The following ARHGAP6 variants were observed in gnomAD, a reference collection of about 807,000 sequenced individuals.
The protein encoded by ARHGAP6 is rho GTPase-activating protein 6.
A neutral mutation model predicts 55.7 loss-of-function variants in ARHGAP6; 16 were observed. That is an observed-to-expected ratio of 0.29 (90% confidence interval 0.19 to 0.44). The LOEUF (loss-of-function observed/expected upper bound fraction) is 0.44, where lower values mean the gene tolerates loss of function less well. Ranked by LOEUF, ARHGAP6 falls within the 20% of genes least tolerant of loss-of-function variation. The pLI, the probability that ARHGAP6 is intolerant of heterozygous loss-of-function variation, is 1.00. For missense variants in ARHGAP6, 698 were observed against 808.9 expected (o/e 0.86, Z 1.66); for synonymous variants, 382 against 360.9 (o/e 1.06, Z -0.66).
At chrX:11,520,056 C>G (rs1741240617) in intron 1 of ARHGAP6, among the ~76,000 whole-genome samples, 1 of 89,287 alleles carries the variant, frequency 1.1e-5, no homozygotes, top group Non-Finnish European at 2.2e-5. Flanking sequence ...AGGCAACCTA[C>G]AACATGGGAG....
intron 1 of ARHGAP6, among the ~76,000 whole-genome samples, chrX:11,629,027 G>A (rs1317369078): frequency 2.8e-5 from 3 of 108,752 alleles, no homozygotes; most frequent in African/African-American, 6.7e-5. Flanking sequence ...GTGTATACAC[G>A]AGCTAGAGCT....
chrX:11,628,984 C>CGTGTGTGTGT (rs55999982), intron 1 of ARHGAP6, among the ~76,000 whole-genome samples: 16 of 101,481 alleles, frequency 1.6e-4, no homozygotes, highest in Middle Eastern at 5.0e-3. Flanking sequence ...GCTTCAGATA[C>CGTGTGTGTGT]GTGTGTGTGT....
chrX:11,592,510 T>C (rs1327244572), intron 1 of ARHGAP6, among the ~76,000 whole-genome samples: 1 of 111,636 alleles, frequency 9.0e-6, no homozygotes, highest in African/African-American at 3.3e-5. Context: ...GTTTTTATTA[T>C]ATAGGCAGGA....
At chrX:11,311,069 G>T (rs1327421212) in intron 1 of ARHGAP6, among the ~76,000 whole-genome samples, 2 of 111,615 alleles carry the variant, frequency 1.8e-5, no homozygotes, top group African/African-American at 6.5e-5. Context: ...GCAGGGAAAG[G>T]ATATACTTTT....
At chrX:11,176,557 C>G (rs1390137820) in intron 8 of ARHGAP6, among the ~76,000 whole-genome samples, 1 of 107,061 alleles carries the variant, frequency 9.3e-6, no homozygotes, top group Non-Finnish European at 1.9e-5. Context: ...TTGCTTTCCT[C>G]AATGCCTTCC....
intron 2 of ARHGAP6, among the ~76,000 whole-genome samples, chrX:11,207,931 A>T (rs1356643915): frequency 9.0e-6 from 1 of 111,582 alleles, no homozygotes; most frequent in Non-Finnish European, 1.9e-5. Flanking sequence ...TCCATAGCCC[A>T]TGTTAGGAAT....
chrX:11,212,740 T>C (rs2046821936), intron 2 of ARHGAP6, among the ~76,000 whole-genome samples: 1 of 112,197 alleles, frequency 8.9e-6, no homozygotes, highest in African/African-American at 3.2e-5. Flanking sequence ...GTCTATAGAT[T>C]TCTATGCACA....
At chrX:11,648,892 C>T (rs1000670964) in intron 1 of ARHGAP6, among the ~76,000 whole-genome samples, 2 of 111,993 alleles carry the variant, frequency 1.8e-5, no homozygotes, top group African/African-American at 3.2e-5. Context: ...CTCGGACTGA[C>T]GTTGTGTGCT....
At chrX:11,615,890 G>C (rs1410253846) in intron 1 of ARHGAP6, among the ~76,000 whole-genome samples, 1 of 111,753 alleles carries the variant, frequency 8.9e-6, no homozygotes, top group Admixed American at 9.5e-5. Context: ...ATTTAAAGTG[G>C]CTCCTCTTTC....
intron 1 of ARHGAP6, among the ~76,000 whole-genome samples, chrX:11,451,048 G>T (rs2147807427): frequency 9.0e-6 from 1 of 111,417 alleles, no homozygotes; most frequent in South Asian, 3.9e-4. Flanking sequence ...GTGCAGCATA[G>T]CTTGCCCAGG....
chrX:11,277,714 A>ATTTT (rs1569283190), intron 1 of ARHGAP6, among the ~76,000 whole-genome samples: 9 of 105,957 alleles, frequency 8.5e-5, no homozygotes, highest in African/African-American at 3.1e-4. Context: ...TTTTTTTAAA[A>ATTTT]AAAAATTAGC....
intron 9 of ARHGAP6, among the ~76,000 whole-genome samples, chrX:11,160,858 G>C (rs2045933587): frequency 9.0e-6 from 1 of 111,547 alleles, no homozygotes; most frequent in Non-Finnish European, 1.9e-5. Context: ...ATTTTGGCTT[G>C]GAGACACTAT....
chrX:11,475,560 T>TACACACACACAA (rs2050394482), intron 1 of ARHGAP6, among the ~76,000 whole-genome samples: 1 of 95,894 alleles, frequency 1.0e-5, no homozygotes, highest in Non-Finnish European at 2.1e-5. Flanking sequence ...TTAAAGAAAC[T>TACACACACACAA]ACACACACAC....
Position 11,205,426 on chromosome X carries a change from C to A in ARHGAP6, c.749-8430G>T, listed in dbSNP as rs189522725. Among the ~76,000 whole-genome samples, 552 of 111,600 alleles carry A rather than the reference C, an allele frequency of 4.9e-3. 6 individuals carry two copies. Among genetic ancestry groups the A allele is most frequent in the African/African-American group, 0.017 (524 of 30,746 alleles). ...CCCAGGGAGGGGGCACAAAGTTGCC[C>A]CCAGTTGAGAACAACTGACCTGCAA... On this transcript the variant is annotated intron_variant, in intron 2 of 12. Transcript: ENST00000337414.
intron 1 of ARHGAP6, among the ~76,000 whole-genome samples, chrX:11,427,008 A>G (rs2049887392): frequency 9.1e-6 from 1 of 110,242 alleles, no homozygotes; most frequent in Non-Finnish European, 1.9e-5. Flanking sequence ...AGCGTGCAAC[A>G]TTAATGATAA....
At chrX:11,427,664 C>T (rs2049897635) in intron 1 of ARHGAP6, 1 of 840,776 alleles carries the variant, frequency 1.2e-6, no homozygotes, top group Non-Finnish European at 1.4e-6. Flanking sequence ...GAGTTCCCCG[C>T]ACTTCACTGC....
At chrX:11,580,361 G>A (rs1051353751) in intron 1 of ARHGAP6, among the ~76,000 whole-genome samples, 1 of 111,757 alleles carries the variant, frequency 8.9e-6, no homozygotes, top group East Asian at 2.8e-4. Context: ...TATGAGACAC[G>A]TGTTGGCCAC....
intron 2 of ARHGAP6, among the ~76,000 whole-genome samples, chrX:11,249,857 T>C (rs768645289): frequency 8.9e-6 from 1 of 111,738 alleles, no homozygotes; most frequent in Non-Finnish European, 1.9e-5. Flanking sequence ...TTTGTTTATG[T>C]TTTCTGGGTA....
At chrX:11,524,721 G>A (rs1388026246) in intron 1 of ARHGAP6, among the ~76,000 whole-genome samples, 1 of 110,887 alleles carries the variant, frequency 9.0e-6, no homozygotes, top group East Asian at 2.8e-4. Context: ...AGGGGAGGAG[G>A]ATGGTTTCTG....
Sources: gnomAD v4.1 joint callset for allele counts (sites outside exome capture counted in the v4.1 genomes callset) on GRCh38, gnomAD v4.1.1 for gene constraint, MANE v1.5 for transcripts, NCBI Gene and HGNC (gene_info 2026-07-23, HGNC 2026-07-21) for gene names.